Variants in SLC6A6 observed in about 807,000 individuals in gnomAD.
SLC6A6 encodes sodium- and chloride-dependent taurine transporter.
SLC6A6 carries 16 observed loss-of-function variants against 68.8 expected under a neutral mutation model. The ratio of observed to expected loss-of-function variants is 0.23; its 90% CI spans 0.16 to 0.35. SLC6A6 has a LOEUF of 0.35. SLC6A6 is among the 10% of genes least tolerant of loss of function. The pLI is 1.00. For synonymous variants in SLC6A6, 312 were observed against 315.4 expected (o/e 0.99, Z 0.12); for missense variants, 474 against 802.8 (o/e 0.59, Z 4.95).
At chr3:14,416,114 C>T (rs944148318) in intron 1 of SLC6A6, among the ~76,000 whole-genome samples, 2 of 152,066 alleles carry the variant, frequency 1.3e-5, no homozygotes, top group Non-Finnish European at 2.9e-5. Context: ...GAGTGTGTGT[C>T]CCATGTGGGT....
rs41284015 is a variant in SLC6A6, at chr3:14,472,013, G to A, written c.1097-192G>A. Among the ~76,000 whole-genome samples, 4,180 of 152,188 alleles carry A rather than the reference G, an allele frequency of 0.027. 78 individuals are homozygous for A. Among genetic ancestry groups the A allele is most frequent in the Non-Finnish European group, 0.042 (2,872 of 68,008 alleles). ...TGTGTAGGAGACAGATGCTAAAACC[G>A]GGCCCCTCCTGAGCCCCAGCGTGTC... On this transcript the variant is annotated intron_variant, in intron 9 of 14. Transcript: ENST00000622186. The surrounding 1 kb of genome is among the most constrained non-coding windows in gnomAD (Gnocchi z 4.5).
intron 2 of SLC6A6, among the ~76,000 whole-genome samples, chr3:14,430,944 G>A (rs894860735): frequency 2.0e-5 from 3 of 152,232 alleles, no homozygotes; most frequent in Non-Finnish European, 4.4e-5. Context: ...GGGCTTGGAT[G>A]TGGACGTGCC....
intron 2 of SLC6A6, among the ~76,000 whole-genome samples, chr3:14,440,793 C>G (rs1329762029): frequency 6.6e-6 from 1 of 152,066 alleles, no homozygotes; most frequent in Admixed American, 6.5e-5. Flanking sequence ...GGGCTGCTGG[C>G]TGTGTGTTCT....
At chr3:14,427,629 C>A (rs1360750290) in intron 2 of SLC6A6, among the ~76,000 whole-genome samples, 1 of 152,160 alleles carries the variant, frequency 6.6e-6, no homozygotes, top group Non-Finnish European at 1.5e-5. Flanking sequence ...GTTGAGGGGT[C>A]CCAGTGTCTG....
Position 14,481,767 on chromosome 3 carries a change from G to A in SLC6A6, c.1648G>A (p.Ala550Thr). 6.2e-7 allele frequency: 1 copy of A among 1,614,112 alleles called. No individual in the cohort carries two copies. Among genetic ancestry groups the A allele is most frequent in the Non-Finnish European group, 8.5e-7 (1 of 1,179,976 alleles). ...NWAIGLGWSL[A>T]LSSMLCVPLV... ...GGCCATTGGGCTGGGCTGGAGCCTG[G>A]CCCTTTCCTCCATGCTCTGCGTTCC... Residue 550 changes from alanine to threonine, a missense_variant, in exon 14 of 15, where the codon GCC becomes ACC. Transcript: ENST00000622186. This position sits in a 1 kb window ranked among gnomAD's most constrained non-coding sequence, Gnocchi z 4.7.
chr3:14,423,422 G>A (rs190675483), intron 2 of SLC6A6, among the ~76,000 whole-genome samples: 15 of 152,298 alleles, frequency 9.8e-5, no homozygotes, highest in African/African-American at 3.4e-4. Context: ...TTGGTAAAGA[G>A]CCAGGAGGCT....
At chr3:14,452,400 A>G (rs766168644) in intron 5 of SLC6A6, among the ~76,000 whole-genome samples, 1 of 152,222 alleles carries the variant, frequency 6.6e-6, no homozygotes, top group Non-Finnish European at 1.5e-5. Flanking sequence ...CTGACGATGC[A>G]AGACGTGCAG....
Position 14,412,398 on chromosome 3 carries a change from G to A in SLC6A6, c.-53-4014G>A, listed in dbSNP as rs145905895. 8.3e-4 allele frequency among the ~76,000 whole-genome samples: 126 copies of A among 152,258 alleles called. 4 individuals are homozygous for A. In the South Asian group the frequency reaches 0.019, roughly 23 times the overall value. On this transcript the variant is annotated intron_variant, in intron 1 of 14. Transcript: ENST00000622186. ...TTTAAAAAAAGAAAAGCAAAAACTCGTCCAGGTGTGGTGGCTCACGCCTGT... is the reference window on the plus strand; with the variant it reads ...TTTAAAAAAAGAAAAGCAAAAACTCATCCAGGTGTGGTGGCTCACGCCTGT...
chr3:14,431,691 G>A (rs1172183622), intron 2 of SLC6A6, among the ~76,000 whole-genome samples: 5 of 152,142 alleles, frequency 3.3e-5, no homozygotes, highest in Non-Finnish European at 7.3e-5. Context: ...AGTGGGCACC[G>A]GTGACCGACA....
rs1700916605 is a variant in SLC6A6, at chr3:14,477,941, T to C, written c.1348-525T>C. Reference sequence around the variant, plus strand: ...GAGGCAAGCCAGATGAGATAAAGATTGTACTAAGAATGGAAGCCTAGCATC... The same window carrying C: ...GAGGCAAGCCAGATGAGATAAAGATCGTACTAAGAATGGAAGCCTAGCATC... On this transcript the variant is annotated intron_variant, in intron 11 of 14. Coordinates refer to ENST00000622186, the MANE Select transcript of SLC6A6 (RefSeq NM_003043.6). This position sits in a 1 kb window ranked among gnomAD's most constrained non-coding sequence, Gnocchi z 4.2. Among the ~76,000 whole-genome samples the C allele has an allele frequency of 1.3e-5, 2 of 152,034 alleles. No homozygotes were observed. Among genetic ancestry groups the C allele is most frequent in the African/African-American group, 4.8e-5 (2 of 41,392 alleles).
intron 6 of SLC6A6, among the ~76,000 whole-genome samples, chr3:14,460,425 G>A (rs1206061640): frequency 6.6e-6 from 1 of 152,078 alleles, no homozygotes; most frequent in African/African-American, 2.4e-5. Flanking sequence ...TACCAAGAAG[G>A]TGACTCTAGG....
chr3:14,484,611 G>A (rs755678022), intron 14 of SLC6A6, among the ~76,000 whole-genome samples: 5 of 152,246 alleles, frequency 3.3e-5, no homozygotes, highest in South Asian at 2.1e-4. Flanking sequence ...CTGTAGGAAC[G>A]TAAGCAGGGG....
At chr3:14,460,529 G>A (rs1260680531) in intron 6 of SLC6A6, among the ~76,000 whole-genome samples, 1 of 152,178 alleles carries the variant, frequency 6.6e-6, no homozygotes, top group Non-Finnish European at 1.5e-5. Flanking sequence ...AGGCCCTGAG[G>A]TGTGTTTGAC....
intron 3 of SLC6A6, chr3:14,444,722 T>C (rs1488991780): frequency 2.2e-6 from 1 of 456,686 alleles, no homozygotes; most frequent in Admixed American, 2.3e-5. Context: ...GAGCCTGGTT[T>C]CTTAACCTTT....
chr3:14,409,701 G>A (rs1023437426), intron 1 of SLC6A6, among the ~76,000 whole-genome samples: 7 of 152,230 alleles, frequency 4.6e-5, no homozygotes, highest in Admixed American at 6.5e-5. Context: ...GATGGTTTAT[G>A]CCAAGGCAGG....
At chr3:14,453,226 C>A (rs1304210684) in intron 5 of SLC6A6, among the ~76,000 whole-genome samples, 1 of 152,230 alleles carries the variant, frequency 6.6e-6, no homozygotes, top group African/African-American at 2.4e-5. Context: ...GCCGGCTGGA[C>A]GGCAGCAGGG....
intron 1 of SLC6A6, among the ~76,000 whole-genome samples, chr3:14,412,721 G>A (rs1699277501): frequency 6.6e-6 from 1 of 152,224 alleles, no homozygotes; most frequent in African/African-American, 2.4e-5. Context: ...GACGGTGCTG[G>A]TCTGGGGACC....
chr3:14,480,574 G>A (rs1040535334), intron 13 of SLC6A6, among the ~76,000 whole-genome samples: 2 of 152,200 alleles, frequency 1.3e-5, no homozygotes, highest in African/African-American at 2.4e-5. Flanking sequence ...ACAACAGCAG[G>A]GCCAGACGTG....
chr3:14,448,154 G>T, intron 5 of SLC6A6: 2 of 941,692 alleles, frequency 2.1e-6, no homozygotes, highest in Non-Finnish European at 2.7e-6. Context: ...ATGTATTTTA[G>T]GAAAAAATAT....
Sources: allele counts gnomAD v4.1 joint callset (sites outside exome capture counted in the v4.1 genomes callset), GRCh38; gene constraint gnomAD v4.1.1; non-coding constraint Gnocchi (gnomAD v3.1); transcripts MANE v1.5; gene names NCBI Gene and HGNC (gene_info 2026-07-23, HGNC 2026-07-21).